The following CPVL variants were observed in gnomAD, a reference collection of about 807,000 sequenced individuals.
CPVL encodes carboxypeptidase vitellogenic like.
Under a neutral mutation model 63.7 loss-of-function variants are expected in CPVL, and 51 were observed. The ratio of observed to expected loss-of-function variants is 0.80; its 90% CI spans 0.64 to 1.01. CPVL has a LOEUF of 1.01. Ranked by LOEUF, CPVL falls within the 50% of genes least tolerant of loss-of-function variation. The pLI, the probability that CPVL is intolerant of heterozygous loss-of-function variation, is 0.00. For missense variants in CPVL, 530 were observed against 573.1 expected, an observed-to-expected ratio of 0.92 and a Z score of 0.77; for synonymous variants, 195 against 206.0, an observed-to-expected ratio of 0.95 and a Z score of 0.46.
chr7:29,046,745 C>T (rs1040075694), intron 11 of CPVL, among the ~76,000 whole-genome samples: 3 of 152,032 alleles, frequency 2.0e-5, no homozygotes, highest in Non-Finnish European at 2.9e-5. Flanking sequence ...ACAAGGAATA[C>T]GGGACCAGGG....
At chr7:29,132,070 A>G (rs1790755117) in intron 1 of CPVL, among the ~76,000 whole-genome samples, 1 of 152,250 alleles carries the variant, frequency 6.6e-6, no homozygotes, top group African/African-American at 2.4e-5. Context: ...TAAACGGAAT[A>G]GAGAGGAAAG....
At chr7:29,163,590 CTAAATA>C (rs1795499785) in intron 5 of CPVL, among the ~76,000 whole-genome samples, 1 of 151,944 alleles carries the variant, frequency 6.6e-6, no homozygotes, top group Non-Finnish European at 1.5e-5. Context: ...ATACAATAAG[CTAAATA>C]TAAAGTATAC....
At chr7:29,105,338 T>C (rs1195217643) in intron 3 of CPVL, among the ~76,000 whole-genome samples, 1 of 152,138 alleles carries the variant, frequency 6.6e-6, no homozygotes, top group Admixed American at 6.5e-5. Flanking sequence ...GCTGGCTACA[T>C]GATGCAAGGA....
chr7:29,091,146 A>G (rs7776819), intron 6 of CPVL, among the ~76,000 whole-genome samples: 32,433 of 152,206 alleles, frequency 0.21, 7,398 homozygotes, highest in African/African-American at 0.58. Flanking sequence ...TATAAACAAT[A>G]GATGCTTTGA....
intron 11 of CPVL, among the ~76,000 whole-genome samples, chr7:29,063,070 T>C (rs1388932841): frequency 2.0e-5 from 3 of 152,048 alleles, no homozygotes; most frequent in African/African-American, 7.2e-5. Context: ...CAGGCTGACT[T>C]TCCCCATGTC....
chr7:29,129,476 C>CT (rs386409807), intron 1 of CPVL, among the ~76,000 whole-genome samples: 5,734 of 146,276 alleles, frequency 0.039, 370 homozygotes, highest in African/African-American at 0.13. Flanking sequence ...TTTGCCATTA[C>CT]TTTTTTTTTT....
intron 12 of CPVL, among the ~76,000 whole-genome samples, chr7:28,998,595 C>G (rs192217647): frequency 2.8e-4 from 42 of 152,288 alleles, no homozygotes; most frequent in Non-Finnish European, 1.5e-4. Context: ...TAGCACAGTG[C>G]CCGGCCTGGG....
chr7:29,135,890 AT>A (rs1000531220), intron 1 of CPVL, among the ~76,000 whole-genome samples: 5 of 151,760 alleles, frequency 3.3e-5, no homozygotes, highest in African/African-American at 1.2e-4. Context: ...TTTTAATTTA[AT>A]TTTTTTCACC....
At position 29,083,943 on chromosome 7, in the gene CPVL, T is replaced by A. The variant is rs540105120; in HGVS notation, c.609+2541A>T. Among the ~76,000 whole-genome samples the A allele has an allele frequency of 6.6e-5, 10 of 152,282 alleles. No individual in the cohort carries two copies. In the East Asian group the frequency reaches 9.7e-4, roughly 15 times the overall value. On this transcript the variant is annotated intron_variant, in intron 7 of 12. Coordinates refer to ENST00000265394, the MANE Select transcript of CPVL (RefSeq NM_031311.5). ...TCTAATTTTTTCCTTTTTTTTTCTT[T>A]TTTCAAGACTCGTGGATCAGAGATA...
chr7:29,099,183 T>C (rs1786793193), intron 3 of CPVL, among the ~76,000 whole-genome samples: 1 of 152,248 alleles, frequency 6.6e-6, no homozygotes, highest in Admixed American at 6.5e-5. Context: ...CTCAGCTGTA[T>C]AGTATGTGTT....
chr7:29,072,715 G>C (rs1222973916), intron 7 of CPVL, among the ~76,000 whole-genome samples: 1 of 152,118 alleles, frequency 6.6e-6, no homozygotes, highest in Non-Finnish European at 1.5e-5. Context: ...TAACTTGGGA[G>C]AACACAATTC....
intron 1 of CPVL, chr7:29,126,224 A>T (rs1280739968): frequency 6.6e-6 from 1 of 152,142 alleles, no homozygotes; most frequent in African/African-American, 2.4e-5. Context: ...TCTTTTTCCA[A>T]CTATGTGTTC....
At chr7:29,177,857 C>T (rs1274864069) in intron 5 of CPVL, among the ~76,000 whole-genome samples, 1 of 152,122 alleles carries the variant, frequency 6.6e-6, no homozygotes, top group East Asian at 1.9e-4. Flanking sequence ...TCTCTCCAAA[C>T]CTTGCTACTT....
chr7:29,194,002 T>A (rs939599372), intron 1 of CPVL: 4 of 152,392 alleles, frequency 2.6e-5, no homozygotes, highest in African/African-American at 9.7e-5. Flanking sequence ...GACCGTCAGC[T>A]CCAGAGCAAC....
chr7:29,172,949 G>A (rs1180914866), intron 5 of CPVL, among the ~76,000 whole-genome samples: 1 of 151,852 alleles, frequency 6.6e-6, no homozygotes, highest in East Asian at 1.9e-4. Context: ...TGGCCAGTAT[G>A]GCAAAAACCT....
chr7:29,157,891 A>G (rs1794635693), intron 5 of CPVL, among the ~76,000 whole-genome samples: 1 of 152,204 alleles, frequency 6.6e-6, no homozygotes, highest in Non-Finnish European at 1.5e-5. Context: ...TAATGTAAAA[A>G]TGCTCCGGCA....
chr7:29,088,592 A>G (rs535053879), intron 6 of CPVL, among the ~76,000 whole-genome samples: 1 of 152,368 alleles, frequency 6.6e-6, no homozygotes, highest in South Asian at 2.1e-4. Context: ...TATTTTAGTC[A>G]AGAACTCTTC....
At chr7:29,136,566 G>A (rs1485164903) in intron 1 of CPVL, among the ~76,000 whole-genome samples, 2 of 152,038 alleles carry the variant, frequency 1.3e-5, no homozygotes, top group Non-Finnish European at 2.9e-5. Flanking sequence ...AATAAATCAA[G>A]AAACAGATTA....
At chr7:29,046,383 C>G (rs996771574) in intron 11 of CPVL, among the ~76,000 whole-genome samples, 1 of 152,112 alleles carries the variant, frequency 6.6e-6, no homozygotes, top group Non-Finnish European at 1.5e-5. Context: ...CGCGCCCGAC[C>G]AGGTAAACTT....
Sources: gnomAD v4.1 joint callset for allele counts (sites outside exome capture counted in the v4.1 genomes callset) on GRCh38, gnomAD v4.1.1 for gene constraint, MANE v1.5 for transcripts, NCBI Gene and HGNC (gene_info 2026-07-23, HGNC 2026-07-21) for gene names.